The following SBF2 variants were observed in gnomAD, a reference collection of about 807,000 sequenced individuals.
SBF2 encodes SET binding factor 2.
Under a neutral mutation model 225.2 loss-of-function variants are expected in SBF2, and 112 were observed. The observed-to-expected ratio is 0.50, with a 90% CI of 0.43 to 0.58. The LOEUF is 0.58. Among genes scored for constraint, SBF2 ranks in the 20% least tolerant of loss-of-function variants. SBF2 has a pLI of 0.00. For synonymous variants in SBF2, 763 were observed against 773.3 expected (o/e 0.99, Z 0.22); for missense variants, 1,996 against 2,206.2 (o/e 0.90, Z 1.91).
At chr11:9,947,578 A>G (rs751111012) in intron 16 of SBF2, among the ~76,000 whole-genome samples, 2 of 152,166 alleles carry the variant, frequency 1.3e-5, no homozygotes, top group Non-Finnish European at 2.9e-5. Flanking sequence ...TGGTGCTGTT[A>G]GTGTCACTTT....
intron 2 of SBF2, among the ~76,000 whole-genome samples, chr11:10,065,977 C>A (rs898432028): frequency 6.6e-5 from 10 of 151,784 alleles, no homozygotes; most frequent in African/African-American, 2.4e-4. Context: ...AAACAAAAAA[C>A]CAGACAAACT....
intron 26 of SBF2, 157 bp downstream of exon 26, chr11:9,839,341 G>A (rs1314352219): frequency 2.6e-6 from 2 of 764,590 alleles, no homozygotes; most frequent in African/African-American, 3.4e-5. Context: ...ATTGTTCCGA[G>A]AATGCCAATG....
At chr11:9,933,882 T>G (rs1384768493) in intron 16 of SBF2, among the ~76,000 whole-genome samples, 3 of 152,090 alleles carry the variant, frequency 2.0e-5, no homozygotes, top group African/African-American at 7.2e-5. Context: ...GCTGGTTTTT[T>G]GAAAAGATCA....
intron 6 of SBF2, among the ~76,000 whole-genome samples, chr11:10,022,232 T>C (rs1316136473): frequency 6.6e-6 from 1 of 152,164 alleles, no homozygotes; most frequent in Non-Finnish European, 1.5e-5. Flanking sequence ...AAAAACTTCT[T>C]ATAAACAAAC....
intron 16 of SBF2, among the ~76,000 whole-genome samples, chr11:9,934,243 C>A (rs914502029): frequency 6.6e-6 from 1 of 152,116 alleles, no homozygotes; most frequent in African/African-American, 2.4e-5. Context: ...ATACACCCTC[C>A]CAAGACTAAA....
At chr11:10,234,493 G>A (rs949980850) in intron 1 of SBF2, among the ~76,000 whole-genome samples, 3 of 152,082 alleles carry the variant, frequency 2.0e-5, no homozygotes, top group African/African-American at 7.2e-5. Context: ...AAATTTGGGT[G>A]AGTGGCCCAA....
intron 2 of SBF2, among the ~76,000 whole-genome samples, chr11:10,099,514 G>A (rs1952186821): frequency 6.6e-6 from 1 of 151,956 alleles, no homozygotes; most frequent in African/African-American, 2.4e-5. Context: ...AAAACATGAA[G>A]GTATAAAACT....
In SBF2 at chr11:10,294,116, G is replaced by C; in HGVS notation, c.-47C>G. On this transcript the variant is annotated 5_prime_UTR_variant, in exon 1 of 40. Transcript: ENST00000256190. The stretch of plus-strand genomic sequence containing the variant: ...GAAGCGGGTCCCCGTCGCCGCCCTC[G>C]CCGCCGCCGCCCACCCGGCCCGGGA... The C allele has an allele frequency of 3.9e-6, 5 of 1,276,566 alleles. No individual in the cohort carries two copies. The highest frequency in any genetic ancestry group is 4.0e-6 in the Non-Finnish European group (4 of 1,002,888). 79.1% of individuals were successfully genotyped at this position (1,276,566 alleles called of 1,614,324 possible). A position where few individuals can be genotyped will look rare whatever the true frequency, so the allele number is the denominator to read the frequency against.
At position 9,880,072 on chromosome 11, in the gene SBF2, G is replaced by A. The variant is rs186829233; in HGVS notation, c.1929+15871C>T. Among the ~76,000 whole-genome samples the A allele has an allele frequency of 1.4e-3, 155 of 112,784 alleles. 1 individual carries two copies. The highest frequency in any genetic ancestry group is 2.0e-3 in the Non-Finnish European group (122 of 60,286). The allele number at this position is 112,784 out of a possible 152,430, so 74.0% of individuals were successfully genotyped here. ...GCACTCCAGCCTGGACAATGAGTGA[G>A]ACTCTGTCTCATAAAAAAAAAAAAA... On this transcript the variant is annotated intron_variant, in intron 17 of 39. Coordinates refer to ENST00000256190, the MANE Select transcript of SBF2 (RefSeq NM_030962.4).
intron 16 of SBF2, among the ~76,000 whole-genome samples, chr11:9,909,444 G>C (rs1862401441): frequency 6.6e-6 from 1 of 152,022 alleles, no homozygotes; most frequent in Non-Finnish European, 1.5e-5. Flanking sequence ...GGCCGAGGCG[G>C]GTGGATCATG....
At chr11:10,027,093 A>T (rs975860667) in intron 6 of SBF2, among the ~76,000 whole-genome samples, 2 of 152,294 alleles carry the variant, frequency 1.3e-5, no homozygotes, top group East Asian at 3.9e-4. Flanking sequence ...TTTTGTGGTA[A>T]GAACACTTAA....
chr11:10,038,847 T>C (rs943740828), intron 3 of SBF2, among the ~76,000 whole-genome samples: 2 of 151,870 alleles, frequency 1.3e-5, no homozygotes, highest in African/African-American at 4.8e-5. Context: ...TAAAAAGATA[T>C]AGAACTAAAT....
intron 17 of SBF2, among the ~76,000 whole-genome samples, chr11:9,890,101 C>T (rs1346798778): frequency 2.6e-5 from 4 of 152,080 alleles, no homozygotes; most frequent in East Asian, 1.9e-4. Flanking sequence ...ATGGAGGTTT[C>T]GCTATGTTGG....
chr11:10,266,907 A>T, intron 1 of SBF2, among the ~76,000 whole-genome samples: 1 of 152,190 alleles, frequency 6.6e-6, no homozygotes, highest in East Asian at 1.9e-4. Flanking sequence ...TGGCCACCAC[A>T]GTAAAACCCC....
chr11:10,131,640 G>C (rs1422401867), intron 2 of SBF2, among the ~76,000 whole-genome samples: 1 of 152,040 alleles, frequency 6.6e-6, no homozygotes, highest in Non-Finnish European at 1.5e-5. Context: ...CTCCATGTTG[G>C]TCAGGCTGGA....
At chr11:10,180,580 T>C (rs527943889) in intron 2 of SBF2, among the ~76,000 whole-genome samples, 16 of 152,310 alleles carry the variant, frequency 1.1e-4, no homozygotes, top group Non-Finnish European at 2.1e-4. Context: ...CTAGCTGTTC[T>C]ATAACCTTCT....
intron 17 of SBF2, among the ~76,000 whole-genome samples, chr11:9,882,770 T>A (rs1457988178): frequency 1.6e-5 from 2 of 127,968 alleles, no homozygotes; most frequent in Non-Finnish European, 3.2e-5. Flanking sequence ...ATTGCGGTAC[T>A]GCACTCCAGC....
intron 1 of SBF2, among the ~76,000 whole-genome samples, chr11:10,221,833 C>T (rs1235037652): frequency 6.6e-6 from 1 of 152,182 alleles, no homozygotes; most frequent in Non-Finnish European, 1.5e-5. Flanking sequence ...GGCCTGAGGG[C>T]AGATCCAGTC....
intron 2 of SBF2, among the ~76,000 whole-genome samples, chr11:10,187,129 A>G (rs1956957237): frequency 6.6e-6 from 1 of 152,166 alleles, no homozygotes; most frequent in African/African-American, 2.4e-5. Flanking sequence ...GCCTCCAGAC[A>G]TATCCCATAA....
Sources: allele counts gnomAD v4.1 joint callset (sites outside exome capture counted in the v4.1 genomes callset), GRCh38; gene constraint gnomAD v4.1.1; transcripts MANE v1.5; gene names NCBI Gene and HGNC (gene_info 2026-07-23, HGNC 2026-07-21).